DST: variants seen among roughly 807,000 people sequenced by gnomAD.
The protein encoded by DST is dystonin, also known as bullous pemphigoid antigen.
DST carries 253 observed loss-of-function variants against 875.2 expected under a neutral mutation model. The ratio of observed to expected loss-of-function variants is 0.29; its 90% CI spans 0.26 to 0.32. The LOEUF is 0.32. Ranked by LOEUF, DST falls within the 10% of genes least tolerant of loss-of-function variation. The pLI, the probability that DST is intolerant of heterozygous loss-of-function variation, is 1.00. For synonymous variants in DST, 3,124 were observed against 3,197.1 expected, an observed-to-expected ratio of 0.98 and a Z score of 0.77; for missense variants, 8,287 against 9,111.6, an observed-to-expected ratio of 0.91 and a Z score of 3.68.
chr6:56,631,894 T>C lies in DST; in HGVS notation c.3952A>G (p.Thr1318Ala). The C allele has an allele frequency of 6.2e-7, 1 of 1,614,010 alleles. No homozygotes were observed. The highest frequency in any genetic ancestry group is 2.2e-5 in the East Asian group (1 of 44,848). ...TTTATAGCTCTCACCTCCTGTTCTG[T>C]GATTCTGAACACACTTTCATGCAAA... ...DDLHESVFRI[T>A]EQEKLKKELE... is the part of the protein sequence containing the mutation. Residue 1318 changes from threonine (T) to alanine (A), a missense_variant, in exon 29 of 104, where the codon ACA becomes GCA. Around this residue, in one of 10 missense-constraint regions of DST, gnomAD observed 3,138 missense variants for 3,116.6 expected, o/e 1.01. Coordinates refer to ENST00000680361, the MANE Select transcript of DST (RefSeq NM_001374736.1).
chr6:56,458,885 A>G lies in DST; in HGVS notation c.*120T>C. On this transcript the variant is annotated 3_prime_UTR_variant, in exon 104 of 104. Transcript: ENST00000680361. Reference sequence around the variant, plus strand: ...AAAAGACAAATACACAAATAAGGCCATCTGCAGAATTTTAAACTCGCCTCT... The same window carrying G: ...AAAAGACAAATACACAAATAAGGCCGTCTGCAGAATTTTAAACTCGCCTCT... 9.4e-7 allele frequency: 1 copy of G among 1,058,830 alleles called. No individual in the cohort carries two copies. The highest frequency in any genetic ancestry group is 1.3e-6 in the Non-Finnish European group (1 of 755,156). 65.6% of individuals were successfully genotyped at this position (1,058,830 alleles called of 1,614,324 possible).
Position 56,928,286 on chromosome 6 carries a change from A to C in DST, c.216+25499T>G, listed in dbSNP as rs188569714. 3.8e-3 allele frequency among the ~76,000 whole-genome samples: 577 copies of C among 152,214 alleles called. 4 individuals carry two copies. The highest frequency in any genetic ancestry group is 0.011 in the African/African-American group (455 of 41,528). On this transcript the variant is annotated intron_variant, in intron 2 of 103. Transcript: ENST00000680361. ...TTCCAAGCTCCCTTTAGTACCTCGT[A>C]TTGGCAGAGCCCACCAGAAAGTGCT...
At chr6:56,534,604 G>T (rs2096960504) in intron 63 of DST, among the ~76,000 whole-genome samples, 1 of 152,108 alleles carries the variant, frequency 6.6e-6, no homozygotes, top group Non-Finnish European at 1.5e-5. Context: ...TATATAAAAA[G>T]ACAATTTCAT....
Position 56,607,070 on chromosome 6 carries a change from G to A in DST, c.7558C>T (p.Gln2520Ter). Residue 2520 changes from glutamine to a stop codon, truncating the protein, a stop_gained, in exon 40 of 104, where the codon CAA (glutamine) becomes TAA (stop). Transcript: ENST00000680361. LOFTEE classifies it high-confidence loss of function. ...GAAATGTATTTATCATTGTGATATT[G>A]TACTTGAGGATTACTAGAAATCATA... The part of the protein sequence containing the change: ...LNMISSNPQV[Q>*]YHNDKYISNT... 6.2e-7 allele frequency: 1 copy of A among 1,613,036 alleles called. No individual in the cohort carries two copies.
chr6:56,463,940 A>G (rs2094458834), intron 100 of DST, 176 bp from the exon 101 acceptor site: 1 of 742,330 alleles, frequency 1.3e-6, no homozygotes, highest in African/African-American at 1.7e-5. Context: ...GCATTCCTTT[A>G]CAATGCATTC....
chr6:56,722,004 T>G (rs2099418539), intron 5 of DST, among the ~76,000 whole-genome samples: 1 of 152,236 alleles, frequency 6.6e-6, no homozygotes, highest in South Asian at 2.1e-4. Flanking sequence ...ATTTTATTTA[T>G]GAACAATGAA....
chr6:56,901,661 C>CTG (rs1794194676), intron 2 of DST, among the ~76,000 whole-genome samples: 1 of 151,094 alleles, frequency 6.6e-6, no homozygotes, highest in Non-Finnish European at 1.5e-5. Flanking sequence ...GTGTGTGTTT[C>CTG]TGTGTGTGTA....
intron 2 of DST, among the ~76,000 whole-genome samples, chr6:56,909,681 C>T (rs79114686): frequency 6.6e-6 from 1 of 152,176 alleles, no homozygotes; most frequent in African/African-American, 2.4e-5. Context: ...CTGGGCCACA[C>T]CCTCGGAGTT....
At chr6:56,554,572 T>C (rs2097374038) in intron 60 of DST, among the ~76,000 whole-genome samples, 1 of 152,206 alleles carries the variant, frequency 6.6e-6, no homozygotes, top group African/African-American at 2.4e-5. Flanking sequence ...TTACAGTACA[T>C]GTAAAGCTTT....
intron 4 of DST, chr6:56,843,926 C>A: frequency 6.4e-6 from 1 of 156,252 alleles, no homozygotes; most frequent in African/African-American, 2.4e-5. Flanking sequence ...ACGCCCACCC[C>A]CGGACACTGG....
chr6:56,730,996 A>C lies in DST; in HGVS notation c.687+4232T>G, dbSNP rs181874913. 1.3e-4 allele frequency among the ~76,000 whole-genome samples: 20 copies of C among 152,306 alleles called. No homozygotes were observed. In the East Asian group the frequency reaches 3.7e-3, roughly 28 times the overall value. ...TAAACAAATGTAATTTTAGCCTGAA[A>C]AATACAAAATAAGGCCATATTAACT... On this transcript the variant is annotated intron_variant, in intron 5 of 103. Coordinates refer to ENST00000680361, the MANE Select transcript of DST (RefSeq NM_001374736.1).
chr6:56,803,454 A>G (rs2099749629), intron 4 of DST, among the ~76,000 whole-genome samples: 1 of 152,236 alleles, frequency 6.6e-6, no homozygotes, highest in Admixed American at 6.5e-5. Context: ...AAAAAACAAT[A>G]GAATAGCCTT....
At position 56,506,706 on chromosome 6, in the gene DST, C is replaced by T. The variant is rs2096327034; in HGVS notation, c.19323G>A (p.Gly6441=). 2 of 1,613,612 alleles carry T rather than the reference C, an allele frequency of 1.2e-6. No individual in the cohort carries two copies. The highest frequency in any genetic ancestry group is 4.5e-5 in the East Asian group (2 of 44,858). Residue 6441 remains glycine, a synonymous_variant, in exon 76 of 104, where the codon GGG becomes GGA. Coordinates refer to ENST00000680361, the MANE Select transcript of DST (RefSeq NM_001374736.1). Reference sequence around the variant, plus strand: ...TCTTGACAATGGGTTTATCAGGCTCCCCACATGCCGCAATGAGTTCAGAAC... The same window carrying T: ...TCTTGACAATGGGTTTATCAGGCTCTCCACATGCCGCAATGAGTTCAGAAC... ...NLGSELIAAC[G]EPDKPIVKKS...
At chr6:56,648,035 A>T (rs1164414530) in intron 13 of DST, among the ~76,000 whole-genome samples, 1 of 152,152 alleles carries the variant, frequency 6.6e-6, no homozygotes, top group East Asian at 1.9e-4. Context: ...GCTTGCCCTA[A>T]GTTTTTCAGT....
intron 9 of DST, among the ~76,000 whole-genome samples, chr6:56,674,514 C>T (rs1412217640): frequency 6.6e-6 from 1 of 152,174 alleles, no homozygotes; most frequent in African/African-American, 2.4e-5. Flanking sequence ...CCAGGCTGGT[C>T]TTGAACTCCT....
chr6:56,515,773 C>T (rs1234953545), intron 71 of DST, 105 bp from the exon 72 acceptor site: 2 of 763,366 alleles, frequency 2.6e-6, no homozygotes, highest in Admixed American at 5.8e-5. Flanking sequence ...GGGCGTTTGA[C>T]AAATATATGT....
At position 56,466,174 on chromosome 6, in the gene DST, G is replaced by A; in HGVS notation, c.22591C>T (p.Arg7531Ter). The A allele has an allele frequency of 1.2e-6, 2 of 1,608,510 alleles. No individual in the cohort carries two copies. The highest frequency in any genetic ancestry group is 1.7e-6 in the Non-Finnish European group (2 of 1,177,236). ...GTACTCCGCAGGATCCGGACCAGTC[G>A]CAGTTGCTGGGAGTCTCCAAACTGT... ...GNQFGDSQQLRLVRILRSTVM... is the reference protein window; with the variant it reads ...GNQFGDSQQL The change falls in exon 99 of 104, where the codon CGA (arginine) becomes TGA (stop). Residue 7531 changes from arginine (R) to a stop codon, truncating the protein, a stop_gained. Coordinates refer to ENST00000680361, the MANE Select transcript of DST (RefSeq NM_001374736.1). LOFTEE classifies it high-confidence loss of function.
intron 2 of DST, among the ~76,000 whole-genome samples, chr6:56,919,464 T>C (rs1044694129): frequency 6.6e-6 from 1 of 152,238 alleles, no homozygotes; most frequent in African/African-American, 2.4e-5. Context: ...CTTTCTCCAA[T>C]GAATTTATTG....
chr6:56,583,281 C>T lies in DST; in HGVS notation c.12904-4344G>A, dbSNP rs867699056. On this transcript the variant is annotated intron_variant, in intron 49 of 103. Coordinates refer to ENST00000680361, the MANE Select transcript of DST (RefSeq NM_001374736.1). ...TGTTGTTTCCTGACTTTTTAATGAT[C>T]GCCATTCTCACTGGTGTGAGATGGT... 7.5e-3 allele frequency among the ~76,000 whole-genome samples: 1,146 copies of T among 152,250 alleles called. 17 individuals carry two copies. Among genetic ancestry groups the T allele is most frequent in the African/African-American group, 0.026 (1,080 of 41,540 alleles).
Sources: gnomAD v4.1 joint callset for allele counts (sites outside exome capture counted in the v4.1 genomes callset) on GRCh38, gnomAD v4.1.1 for gene constraint, gnomAD v4.1.1 regional missense constraint, MANE v1.5 for transcripts, NCBI Gene and HGNC (gene_info 2026-07-23, HGNC 2026-07-21) for gene names.